Variants in USP34 observed in about 807,000 individuals in gnomAD.
The protein encoded by USP34 is ubiquitin carboxyl-terminal hydrolase 34.
USP34 carries 70 observed loss-of-function variants against 460.3 expected under a neutral mutation model. That is an observed-to-expected ratio of 0.15 (90% CI 0.13 to 0.19). The LOEUF (loss-of-function observed/expected upper bound fraction) is 0.19, where lower values mean the gene tolerates loss of function less well. USP34 is among the 10% of genes least tolerant of loss of function. The probability of loss-of-function intolerance (pLI) is 1.00; values close to 1 mark genes in which losing one functional copy is unlikely to be tolerated. For missense variants in USP34, 3,985 were observed against 4,236.2 expected (o/e 0.94, Z 1.65); for synonymous variants, 1,647 against 1,405.3 (o/e 1.17, Z -3.85).
chr2:61,206,285 A>C (rs1223218775), intron 71 of USP34, among the ~76,000 whole-genome samples, 161 bp from the exon 72 acceptor site: 1 of 152,198 alleles, frequency 6.6e-6, no homozygotes, highest in African/African-American at 2.4e-5. Context: ...ATTACTACTA[A>C]TGTTAAACCT....
intron 20 of USP34, 86 bp downstream of exon 20, chr2:61,331,190 T>G (rs551401524): frequency 8.7e-7 from 1 of 1,148,268 alleles, no homozygotes; most frequent in South Asian, 1.6e-5. Flanking sequence ...ACTTATTATA[T>G]GAAAAAAAGT....
At chr2:61,236,701 T>A (rs1688079569) in intron 53 of USP34, among the ~76,000 whole-genome samples, 2 of 152,192 alleles carry the variant, frequency 1.3e-5, no homozygotes, top group Admixed American at 1.3e-4. Flanking sequence ...TAAGTCATGT[T>A]ACATTCTGAT....
At chr2:61,379,645 T>C (rs765561402) in intron 7 of USP34, among the ~76,000 whole-genome samples, 29 of 152,246 alleles carry the variant, frequency 1.9e-4, no homozygotes, top group Non-Finnish European at 4.1e-4. Flanking sequence ...TCTAACAGAC[T>C]GTTGTTATGC....
At chr2:61,370,445 A>T in intron 9 of USP34, 32 bp from the exon 10 acceptor site, 1 of 1,612,980 alleles carries the variant, frequency 6.2e-7, no homozygotes, top group African/African-American at 1.3e-5. Flanking sequence ...TCAATTTTTA[A>T]AAATATTCTT....
At position 61,339,663 on chromosome 2, in the gene USP34, T is replaced by C; in HGVS notation, c.2519A>G (p.His840Arg). The C allele has an allele frequency of 6.5e-7, 1 of 1,527,650 alleles. No homozygotes were observed. The highest frequency in any genetic ancestry group is 8.7e-7 in the Non-Finnish European group (1 of 1,145,882). 94.6% of individuals were successfully genotyped at this position (1,527,650 alleles called of 1,614,324 possible). A position where few individuals can be genotyped will look rare whatever the true frequency, so the allele number is the denominator to read the frequency against. The change falls in exon 17 of 80, where the codon CAT becomes CGT. Residue 840 changes from histidine to arginine, a missense_variant. Physicochemically the swap from His to Arg is conservative, Grantham distance 29. This residue lies in a region of USP34 where 716 missense variants were observed against 626.2 expected (regional missense o/e 1.14). Coordinates refer to ENST00000398571, the MANE Select transcript of USP34 (RefSeq NM_014709.4). Reference sequence around the variant, plus strand: ...TGTAACAGCATTACTGTTGAATTGATGTTTATGAACTACAGGTCCTGAAGA... The same window carrying C: ...TGTAACAGCATTACTGTTGAATTGACGTTTATGAACTACAGGTCCTGAAGA... ...HLSQGPVVHK[H>R]QFNSNAVTDI...
In USP34 at chr2:61,405,786, T is replaced by A. The variant is rs551226434; in HGVS notation, c.474A>T (p.Leu158Phe). Reference protein sequence around the residue: ...LWSTDEKEKLLLCVAKIFQIQ... With the variant: ...LWSTDEKEKLFLCVAKIFQIQ... ...TTTGAAAAATTTTTGCCACACATAG[T>A]AAGAGTTTTTCCTTCTCATCTGTAC... is the stretch of plus-strand genomic sequence containing the variant. The change falls in exon 3 of 80, where the codon TTA (leucine) becomes TTT (phenylalanine). Residue 158 changes from leucine (L) to phenylalanine (F), a missense_variant. Around this residue, in one of 14 missense-constraint regions of USP34, gnomAD observed 331 missense variants for 293.7 expected, o/e 1.13. Transcript: ENST00000398571. The A allele has an allele frequency of 1.1e-5, 17 of 1,608,836 alleles. No homozygotes were observed. The East Asian group carries it at 3.8e-4, about 36-fold the overall frequency.
chr2:61,324,244 A>G (rs1341713189), intron 21 of USP34, among the ~76,000 whole-genome samples: 2 of 152,214 alleles, frequency 1.3e-5, no homozygotes, highest in Non-Finnish European at 2.9e-5. Flanking sequence ...ACCATCTATA[A>G]CCACATGGAT....
intron 10 of USP34, among the ~76,000 whole-genome samples, chr2:61,360,766 C>A (rs1692251610): frequency 6.6e-6 from 1 of 152,168 alleles, no homozygotes; most frequent in Non-Finnish European, 1.5e-5. Flanking sequence ...AAGCAATCCT[C>A]CACCTCAGCC....
intron 10 of USP34, among the ~76,000 whole-genome samples, chr2:61,367,188 G>A (rs1692466526): frequency 6.6e-6 from 1 of 152,234 alleles, no homozygotes; most frequent in Admixed American, 6.5e-5. Context: ...ACGTAACATA[G>A]AAAGGGCTAT....
At chr2:61,433,310 A>G (rs1411175925) in intron 1 of USP34, among the ~76,000 whole-genome samples, 1 of 152,114 alleles carries the variant, frequency 6.6e-6, no homozygotes, top group Non-Finnish European at 1.5e-5. Flanking sequence ...CAGCACTCCC[A>G]TTACCACCAC....
chr2:61,426,260 C>A (rs1694509054), intron 1 of USP34, among the ~76,000 whole-genome samples: 2 of 152,150 alleles, frequency 1.3e-5, no homozygotes, highest in African/African-American at 4.8e-5. Context: ...GGTACCAGCA[C>A]AAACACAGCA....
At chr2:61,358,318 G>A (rs952233433) in intron 10 of USP34, among the ~76,000 whole-genome samples, 1 of 151,904 alleles carries the variant, frequency 6.6e-6, no homozygotes. Context: ...GGAAAAAAAA[G>A]ACAAAGAACT....
chr2:61,303,924 G>T (rs1458743412), intron 27 of USP34, among the ~76,000 whole-genome samples: 1 of 151,866 alleles, frequency 6.6e-6, no homozygotes, highest in Non-Finnish European at 1.5e-5. Context: ...GTTTTGAGGA[G>T]TCTCGCTCTG....
chr2:61,209,015 A>G lies in USP34; in HGVS notation c.8841-38T>C, dbSNP rs764043005. On this transcript the variant is annotated intron_variant, in intron 69 of 79. Coordinates refer to ENST00000398571, the MANE Select transcript of USP34 (RefSeq NM_014709.4). ...ATAAAGTTCAGTTTGAGAAGTCTGAATAAGAACACAACACTTAGGTGATGA... is the reference window on the plus strand; with the variant it reads ...ATAAAGTTCAGTTTGAGAAGTCTGAGTAAGAACACAACACTTAGGTGATGA... 19 of 1,346,964 alleles carry G rather than the reference A, an allele frequency of 1.4e-5. No homozygotes were observed. In the East Asian group the frequency reaches 2.7e-4, roughly 19 times the overall value. 83.4% of individuals were successfully genotyped at this position (1,346,964 alleles called of 1,614,324 possible).
chr2:61,368,638 T>G (rs1390157712), intron 10 of USP34, among the ~76,000 whole-genome samples: 1 of 151,982 alleles, frequency 6.6e-6, no homozygotes, highest in African/African-American at 2.4e-5. Context: ...CAAATGGAAT[T>G]GGAAAAATTG....
intron 74 of USP34, among the ~76,000 whole-genome samples, chr2:61,203,611 T>G (rs1687034785): frequency 6.6e-6 from 1 of 152,192 alleles, no homozygotes; most frequent in African/African-American, 2.4e-5. Flanking sequence ...TAATGTTAAT[T>G]ATTTTAAATA....
At chr2:61,341,195 A>G (rs181589758) in intron 16 of USP34, among the ~76,000 whole-genome samples, 30 of 152,334 alleles carry the variant, frequency 2.0e-4, no homozygotes, top group Non-Finnish European at 3.5e-4. Flanking sequence ...ACTGATGAGC[A>G]AAATTCCACT....
chr2:61,322,131 G>C (rs969421462), intron 21 of USP34, among the ~76,000 whole-genome samples: 1 of 152,308 alleles, frequency 6.6e-6, no homozygotes, highest in South Asian at 2.1e-4. Flanking sequence ...TCGGGAGGCT[G>C]AGGCAGGAGA....
chr2:61,376,211 A>G (rs930184666), intron 8 of USP34, among the ~76,000 whole-genome samples: 1 of 145,238 alleles, frequency 6.9e-6, no homozygotes, highest in Admixed American at 6.7e-5. Flanking sequence ...ATATGTATTT[A>G]TATGTTAATA....
Sources: gnomAD v4.1 joint callset for allele counts (sites outside exome capture counted in the v4.1 genomes callset) on GRCh38, gnomAD v4.1.1 for gene constraint, gnomAD v4.1.1 regional missense constraint, MANE v1.5 for transcripts, NCBI Gene and HGNC (gene_info 2026-07-23, HGNC 2026-07-21) for gene names.